Variants in FEZ1 observed in about 807,000 individuals in gnomAD.
FEZ1 encodes fasciculation and elongation protein zeta 1, also known as fasciculation and elongation protein zeta-1.
FEZ1 carries 20 observed loss-of-function variants against 49.3 expected under a neutral mutation model. That is an observed-to-expected ratio of 0.41 (90% CI 0.29 to 0.59). The LOEUF (loss-of-function observed/expected upper bound fraction) is 0.59, where lower values mean the gene tolerates loss of function less well. Ranked by LOEUF, FEZ1 falls within the 20% of genes least tolerant of loss-of-function variation. FEZ1 has a pLI of 0.36. For missense variants in FEZ1, 413 were observed against 476.0 expected (o/e 0.87, Z 1.23); for synonymous variants, 170 against 180.9 (o/e 0.94, Z 0.48).
chr11:125,472,779 G>A (rs921743881), intron 3 of FEZ1, among the ~76,000 whole-genome samples: 16 of 151,700 alleles, frequency 1.1e-4, no homozygotes, highest in Admixed American at 4.6e-4. Context: ...ATAAAATATC[G>A]GCAAATCAAA....
chr11:125,452,296 A>C (rs1378351129), intron 8 of FEZ1, 38 bp downstream of exon 8: 1 of 1,375,920 alleles, frequency 7.3e-7, no homozygotes, highest in African/African-American at 1.4e-5. Flanking sequence ...AGGGAGAAAA[A>C]GGAGCCACTG....
chr11:125,486,592 AT>A (rs1352302443), intron 2 of FEZ1, among the ~76,000 whole-genome samples: 2 of 152,164 alleles, frequency 1.3e-5, no homozygotes, highest in Non-Finnish European at 2.9e-5. Context: ...GAATCACTAC[AT>A]TTGCTCTATG....
intron 2 of FEZ1, among the ~76,000 whole-genome samples, chr11:125,482,044 GGAGA>G (rs746406179): frequency 8.6e-5 from 13 of 151,028 alleles, no homozygotes; most frequent in Non-Finnish European, 1.8e-4. Context: ...AGAGAGAAAG[GGAGA>G]GAGAGAGAGA....
chr11:125,448,464 A>AACC (rs1956917439), intron 9 of FEZ1, 38 bp downstream of exon 9: 1 of 1,398,284 alleles, frequency 7.2e-7, no homozygotes, highest in Non-Finnish European at 1.0e-6. Flanking sequence ...AGCTCCAGAG[A>AACC]ACCCCTTCTG....
At chr11:125,469,329 G>C (rs552238668) in intron 3 of FEZ1, among the ~76,000 whole-genome samples, 7 of 152,302 alleles carry the variant, frequency 4.6e-5, no homozygotes, top group African/African-American at 1.7e-4. Flanking sequence ...CTTGATCTCA[G>C]CTCACTGCAA....
At chr11:125,471,865 A>G (rs1047866093) in intron 3 of FEZ1, among the ~76,000 whole-genome samples, 8 of 152,100 alleles carry the variant, frequency 5.3e-5, no homozygotes, top group Non-Finnish European at 1.2e-4. Flanking sequence ...CATATGCTGG[A>G]CCCTAAATCA....
chr11:125,475,036 G>A (rs34874940), intron 3 of FEZ1, among the ~76,000 whole-genome samples: 13,102 of 152,128 alleles, frequency 0.086, 705 homozygotes, highest in East Asian at 0.13. Context: ...TTGGGAGGCC[G>A]GGGCAGGTGG....
chr11:125,467,093 G>A (rs1232993896), intron 3 of FEZ1, among the ~76,000 whole-genome samples: 1 of 151,066 alleles, frequency 6.6e-6, no homozygotes. Flanking sequence ...GAATGCAGTG[G>A]CACAATCATG....
At chr11:125,467,695 C>G (rs890608594) in intron 3 of FEZ1, among the ~76,000 whole-genome samples, 1 of 152,104 alleles carries the variant, frequency 6.6e-6, no homozygotes, top group Non-Finnish European at 1.5e-5. Context: ...ACAAAATTAG[C>G]CAGGCATGGT....
At chr11:125,473,759 C>T (rs1957202883) in intron 3 of FEZ1, among the ~76,000 whole-genome samples, 4 of 146,520 alleles carry the variant, frequency 2.7e-5, no homozygotes, top group African/African-American at 1.0e-4. Context: ...GTGGAGGCTG[C>T]AGTGAGCCAA....
chr11:125,496,074 C>G (rs1957467351), intron 1 of FEZ1, 47 bp downstream of exon 1: 1 of 156,604 alleles, frequency 6.4e-6, no homozygotes, highest in Admixed American at 6.5e-5. Context: ...GACCCCACCC[C>G]CAGCAGTGAG....
chr11:125,493,362 A>AAAG (rs1957403828), intron 1 of FEZ1, among the ~76,000 whole-genome samples: 2 of 49,534 alleles, frequency 4.0e-5, no homozygotes, highest in African/African-American at 1.6e-4. Context: ...AGAAAGAGAG[A>AAAG]AAAGAAAGAA....
At chr11:125,462,778 T>C (rs1464872234) in intron 4 of FEZ1, among the ~76,000 whole-genome samples, 2 of 149,978 alleles carry the variant, frequency 1.3e-5, no homozygotes, top group South Asian at 2.1e-4. Context: ...GCGGGTGGAC[T>C]GCTTGAGTCC....
intron 1 of FEZ1, among the ~76,000 whole-genome samples, chr11:125,491,024 G>A (rs1957376454): frequency 6.6e-6 from 1 of 152,066 alleles, no homozygotes; most frequent in African/African-American, 2.4e-5. Flanking sequence ...AAAGTTCTGG[G>A]ATTACAGGCA....
intron 5 of FEZ1, among the ~76,000 whole-genome samples, chr11:125,457,631 A>T (rs1165157015): frequency 6.6e-6 from 1 of 151,082 alleles, no homozygotes; most frequent in Admixed American, 6.6e-5. Context: ...CTGGTTTTTA[A>T]TTTTTAATTT....
intron 2 of FEZ1, among the ~76,000 whole-genome samples, chr11:125,488,182 A>T (rs765652485): frequency 6.6e-5 from 10 of 152,206 alleles, no homozygotes; most frequent in Non-Finnish European, 1.5e-4. Context: ...ATTTTGAAAG[A>T]GAGAGAGAAA....
intron 3 of FEZ1, among the ~76,000 whole-genome samples, chr11:125,473,691 C>T (rs1486722386): frequency 6.6e-6 from 1 of 151,750 alleles, no homozygotes; most frequent in Non-Finnish European, 1.5e-5. Context: ...TGGTTGCAGG[C>T]ACCTGTAATC....
chr11:125,447,462 T>C lies in FEZ1; in HGVS notation c.1162+1040A>G, dbSNP rs1369293809. The stretch of plus-strand genomic sequence containing the variant: ...CCTACTGATCTTTATTGGCCCCTGA[T>C]TCAAACAAATAAACTGAAAAATACT... On this transcript the variant is annotated intron_variant, in intron 9 of 9. Transcript: ENST00000278919. Among the ~76,000 whole-genome samples the C allele has an allele frequency of 2.6e-5, 4 of 152,334 alleles. No individual in the cohort carries two copies. In the East Asian group the frequency reaches 7.7e-4, roughly 29 times the overall value.
intron 3 of FEZ1, among the ~76,000 whole-genome samples, chr11:125,466,235 C>A (rs1321109942): frequency 6.6e-6 from 1 of 152,116 alleles, no homozygotes; most frequent in Non-Finnish European, 1.5e-5. Flanking sequence ...AATCCCAGCA[C>A]TTTGGGAGGC....
Sources: gnomAD v4.1 joint callset for allele counts (sites outside exome capture counted in the v4.1 genomes callset) on GRCh38, gnomAD v4.1.1 for gene constraint, MANE v1.5 for transcripts, NCBI Gene and HGNC (gene_info 2026-07-23, HGNC 2026-07-21) for gene names.